The following CNTN4 variants were observed in gnomAD, a reference collection of about 807,000 sequenced individuals.
CNTN4 encodes contactin 4, also known as contactin-4.
A neutral mutation model predicts 122.5 loss-of-function variants in CNTN4; 77 were observed. The ratio of observed to expected loss-of-function variants is 0.63; its 90% confidence interval spans 0.52 to 0.76. The LOEUF is 0.76. Among genes scored for constraint, CNTN4 ranks in the 30% least tolerant of loss-of-function variants. The pLI is 0.00. For missense variants in CNTN4, 1,256 were observed against 1,259.1 expected, an observed-to-expected ratio of 1.00 and a Z score of 0.04; for synonymous variants, 512 against 447.0, an observed-to-expected ratio of 1.15 and a Z score of -1.83.
chr3:2,103,088 A>G (rs1049845472), intron 2 of CNTN4, among the ~76,000 whole-genome samples: 2 of 152,136 alleles, frequency 1.3e-5, no homozygotes, highest in African/African-American at 4.8e-5. Context: ...AACTAGGCAT[A>G]GAGAAATTAA....
chr3:2,426,033 T>A (rs1259350604), intron 3 of CNTN4, among the ~76,000 whole-genome samples: 1 of 152,200 alleles, frequency 6.6e-6, no homozygotes, highest in Non-Finnish European at 1.5e-5. Flanking sequence ...TTTGACTTCC[T>A]CTTTTCCTAA....
chr3:2,935,341 C>CA (rs989185142), intron 13 of CNTN4, among the ~76,000 whole-genome samples: 15 of 151,414 alleles, frequency 9.9e-5, no homozygotes, highest in East Asian at 7.7e-4. Flanking sequence ...ATTTGATTTT[C>CA]AAAAAAAAAT....
At chr3:3,017,078 G>A (rs1697828712) in intron 14 of CNTN4, among the ~76,000 whole-genome samples, 1 of 152,238 alleles carries the variant, frequency 6.6e-6, no homozygotes, top group East Asian at 1.9e-4. Flanking sequence ...CTACTTCTGT[G>A]TTTTCTTCTG....
At chr3:2,632,369 C>T (rs2082481235) in intron 4 of CNTN4, among the ~76,000 whole-genome samples, 1 of 152,126 alleles carries the variant, frequency 6.6e-6, no homozygotes, top group African/African-American at 2.4e-5. Flanking sequence ...CTTCATAACA[C>T]TGGAAAAATA....
At chr3:2,729,371 C>A (rs9826122) in intron 4 of CNTN4, among the ~76,000 whole-genome samples, 1 of 147,576 alleles carries the variant, frequency 6.8e-6, no homozygotes, top group Non-Finnish European at 1.5e-5. Flanking sequence ...GAGACCATCC[C>A]GGCTAACACA....
intron 3 of CNTN4, among the ~76,000 whole-genome samples, chr3:2,386,451 T>C (rs147116185): frequency 1.2e-4 from 19 of 152,344 alleles, no homozygotes; most frequent in Non-Finnish European, 2.5e-4. Context: ...AGCAAAATCC[T>C]AGAATGCCAA....
At chr3:2,988,593 A>G in intron 14 of CNTN4, 121 bp downstream of exon 14, 1 of 1,013,076 alleles carries the variant, frequency 9.9e-7, no homozygotes, top group Non-Finnish European at 1.5e-6. Context: ...TGCTAAATTA[A>G]TTCATCACGG....
chr3:2,371,092 G>C (rs1025014306), intron 3 of CNTN4, among the ~76,000 whole-genome samples: 1 of 152,118 alleles, frequency 6.6e-6, no homozygotes, highest in African/African-American at 2.4e-5. Context: ...GTGTAGAATG[G>C]TTGCTGATCA....
intron 3 of CNTN4, among the ~76,000 whole-genome samples, chr3:2,538,716 T>TA (rs1231563516): frequency 6.6e-6 from 1 of 151,968 alleles, no homozygotes; most frequent in East Asian, 1.9e-4. Flanking sequence ...GGCTAATTTT[T>TA]AAAAACAGGA....
In CNTN4 at chr3:2,876,958, A is replaced by G. The variant is rs138896891; in HGVS notation, c.653-6187A>G. 2.7e-3 allele frequency among the ~76,000 whole-genome samples: 417 copies of G among 152,334 alleles called. 6 individuals are homozygous for G. Among genetic ancestry groups the G allele is most frequent in the African/African-American group, 7.7e-3 (322 of 41,582 alleles). ...TATTCTTCAGACCAGCAGCATCAAC[A>G]TCACCTTGGACTTCTTAAAATTGCA... is the stretch of plus-strand genomic sequence containing the variant. On this transcript the variant is annotated intron_variant, in intron 8 of 24. Transcript: ENST00000418658.
chr3:2,324,812 C>G (rs114027927), intron 2 of CNTN4, among the ~76,000 whole-genome samples: 14,360 of 151,794 alleles, frequency 0.095, 841 homozygotes, highest in Non-Finnish European at 0.13. Flanking sequence ...TCTACCCTCC[C>G]CTAGCCCCCA....
intron 3 of CNTN4, among the ~76,000 whole-genome samples, chr3:2,488,535 C>T (rs981273657): frequency 2.0e-5 from 3 of 152,144 alleles, no homozygotes; most frequent in Non-Finnish European, 4.4e-5. Context: ...GGATAGGCTC[C>T]AGCCACCTGT....
At chr3:3,011,808 C>T (rs770828709) in intron 14 of CNTN4, among the ~76,000 whole-genome samples, 8 of 152,082 alleles carry the variant, frequency 5.3e-5, no homozygotes, top group Non-Finnish European at 8.8e-5. Flanking sequence ...CCAGTCTCTG[C>T]ATGTTTGGAG....
In CNTN4 at chr3:2,588,315, G is replaced by T. The variant is rs56339040; in HGVS notation, c.55+16757G>T. On this transcript the variant is annotated intron_variant, in intron 4 of 24. Transcript: ENST00000418658. ...TAGTTTAATCAGAAGAACTCAAAGA[G>T]AATTAAGTGAAAGAGGAGTGACTTA... Among the ~76,000 whole-genome samples the T allele has an allele frequency of 9.9e-3, 1,509 of 152,236 alleles. 12 individuals carry two copies. The highest frequency in any genetic ancestry group is 0.014 in the Non-Finnish European group (929 of 68,008).
At chr3:2,163,954 A>G (rs12497050) in intron 2 of CNTN4, among the ~76,000 whole-genome samples, 13,580 of 152,144 alleles carry the variant, frequency 0.089, 1,137 homozygotes, top group East Asian at 0.31. Context: ...TTAAGGAACT[A>G]AAAGAGAGAG....
At chr3:2,273,631 A>G (rs2041386600) in intron 2 of CNTN4, among the ~76,000 whole-genome samples, 1 of 152,170 alleles carries the variant, frequency 6.6e-6, no homozygotes, top group Admixed American at 6.5e-5. Context: ...TAGAAATTTA[A>G]TTGACTGAGC....
intron 13 of CNTN4, among the ~76,000 whole-genome samples, chr3:2,981,746 A>G (rs1010570748): frequency 2.0e-5 from 3 of 152,098 alleles, no homozygotes; most frequent in Non-Finnish European, 4.4e-5. Flanking sequence ...TGGCTTATAA[A>G]AATCCCATAA....
chr3:3,040,424 T>G, intron 20 of CNTN4, 153 bp downstream of exon 20: 1 of 687,304 alleles, frequency 1.5e-6, no homozygotes, highest in African/African-American at 1.8e-5. Flanking sequence ...TGGTTCGCTG[T>G]CCACCATGAA....
chr3:2,642,972 G>T (rs769484809), intron 4 of CNTN4, among the ~76,000 whole-genome samples: 8 of 152,106 alleles, frequency 5.3e-5, no homozygotes, highest in Non-Finnish European at 1.2e-4. Context: ...AGTGGGGATG[G>T]TAATAAAATA....
Sources: gnomAD v4.1 joint callset for allele counts (sites outside exome capture counted in the v4.1 genomes callset) on GRCh38, gnomAD v4.1.1 for gene constraint, MANE v1.5 for transcripts, NCBI Gene and HGNC (gene_info 2026-07-23, HGNC 2026-07-21) for gene names.